Variants in NBAS observed in about 807,000 individuals in gnomAD.
NBAS encodes NBAS subunit of NRZ tethering complex.
In NBAS, 219 loss-of-function variants were observed where a neutral mutation model predicts 302.5. The observed-to-expected ratio is 0.72, with a 90% CI of 0.65 to 0.81. The LOEUF is 0.81. Among genes scored for constraint, NBAS ranks in the 30% least tolerant of loss-of-function variants. The probability of loss-of-function intolerance (pLI) is 0.00; values close to 1 mark genes in which losing one functional copy is unlikely to be tolerated. For synonymous variants in NBAS, 1,118 were observed against 1,021.6 expected (o/e 1.09, Z -1.80); for missense variants, 2,932 against 2,841.6 (o/e 1.03, Z -0.72).
At chr2:15,313,850 T>G (rs903976593) in intron 38 of NBAS, among the ~76,000 whole-genome samples, 1 of 152,214 alleles carries the variant, frequency 6.6e-6, no homozygotes, top group Admixed American at 6.5e-5. Flanking sequence ...ATGAGTTGAC[T>G]CCTCAGAATT....
At chr2:14,801,966 G>T in the NBAS span, among the ~76,000 whole-genome samples, 2 of 145,912 alleles carry the variant, frequency 1.4e-5, no homozygotes, top group Non-Finnish European at 3.0e-5. Context: ...CTCCCATTTT[G>T]TAGGTTGCCT....
At chr2:15,258,568 C>T (rs984370955) in intron 44 of NBAS, among the ~76,000 whole-genome samples, 8 of 152,182 alleles carry the variant, frequency 5.3e-5, no homozygotes, top group East Asian at 1.9e-4. Flanking sequence ...CTGTCCTACG[C>T]GGTTGAGATA....
At chr2:15,274,889 C>T (rs987639622) in intron 44 of NBAS, among the ~76,000 whole-genome samples, 5 of 151,806 alleles carry the variant, frequency 3.3e-5, no homozygotes, top group Admixed American at 6.6e-5. Flanking sequence ...CTCAGCCTCC[C>T]GAGTAGCTGG....
intron 50 of NBAS, among the ~76,000 whole-genome samples, chr2:15,186,163 T>C (rs968302157): frequency 6.6e-6 from 1 of 150,524 alleles, no homozygotes; most frequent in Non-Finnish European, 1.5e-5. Context: ...TGTGTGTCTG[T>C]GTGTGTGTAT....
the NBAS span, among the ~76,000 whole-genome samples, chr2:15,056,822 C>A: frequency 2.9e-5 from 4 of 138,296 alleles, no homozygotes; most frequent in African/African-American, 1.1e-4. Context: ...TTTCCCTTTT[C>A]TTTTTTTTTT....
At chr2:15,277,159 T>G in intron 42 of NBAS, 58 bp from the exon 43 acceptor site, 1 of 1,471,480 alleles carries the variant, frequency 6.8e-7, no homozygotes, top group Non-Finnish European at 8.9e-7. Flanking sequence ...TAAAGTGATT[T>G]TTTTTTTAAC....
chr2:15,003,978 T>C, the NBAS span, among the ~76,000 whole-genome samples: 1 of 152,226 alleles, frequency 6.6e-6, no homozygotes, highest in Non-Finnish European at 1.5e-5. Flanking sequence ...TCTCAGTTGT[T>C]TTCAGACATC....
At chr2:15,336,147 G>A (rs991614628) in intron 35 of NBAS, among the ~76,000 whole-genome samples, 1 of 151,502 alleles carries the variant, frequency 6.6e-6, no homozygotes, top group Non-Finnish European at 1.5e-5. Context: ...GATGTTCTAA[G>A]TTTTCCTTGA....
intron 51 of NBAS, among the ~76,000 whole-genome samples, chr2:15,173,997 G>C (rs1355353895): frequency 6.6e-6 from 1 of 152,176 alleles, no homozygotes; most frequent in Non-Finnish European, 1.5e-5. Flanking sequence ...TGATATGTCT[G>C]TTCATACCAA....
chr2:15,329,178 G>A (rs1419529450), intron 36 of NBAS, among the ~76,000 whole-genome samples: 1 of 152,156 alleles, frequency 6.6e-6, no homozygotes, highest in Non-Finnish European at 1.5e-5. Context: ...TTCCTCCAAG[G>A]TTTATTGTGG....
chr2:15,528,878 A>AAAT lies in NBAS; in HGVS notation c.746+5664_746+5665insATT, dbSNP rs555894886. ...TGAGACTCCATCTCAAAAAAAAAAA[A>AAAT]ATATATATATATATATATATGTGTG... On this transcript the variant is annotated intron_variant, in intron 9 of 51. Coordinates refer to ENST00000281513, the MANE Select transcript of NBAS (RefSeq NM_015909.4). 8.2e-5 allele frequency among the ~76,000 whole-genome samples: 10 copies of AAAT among 121,546 alleles called. No homozygotes were observed. The East Asian group carries it at 1.6e-3, about 19-fold the overall frequency. 79.7% of individuals were successfully genotyped at this position (121,546 alleles called of 152,430 possible).
At chr2:15,031,714 T>A in the NBAS span, among the ~76,000 whole-genome samples, 1 of 152,188 alleles carries the variant, frequency 6.6e-6, no homozygotes, top group Non-Finnish European at 1.5e-5. Flanking sequence ...CCTGTGAAAT[T>A]TGAAAGGCCT....
the NBAS span, among the ~76,000 whole-genome samples, chr2:14,989,257 C>T: frequency 6.7e-6 from 1 of 150,082 alleles, no homozygotes; most frequent in Admixed American, 6.7e-5. Context: ...ATGGTTCCCA[C>T]TACATATAGT....
chr2:15,154,660 T>C, the NBAS span, among the ~76,000 whole-genome samples: 1 of 152,184 alleles, frequency 6.6e-6, no homozygotes, highest in East Asian at 1.9e-4. Flanking sequence ...TGCTCTGATA[T>C]AGGAGCAGTA....
At chr2:15,003,234 G>A in the NBAS span, among the ~76,000 whole-genome samples, 3 of 152,326 alleles carry the variant, frequency 2.0e-5, no homozygotes, top group South Asian at 2.1e-4. Context: ...TAAGGGGAAG[G>A]AGATAGTGTA....
At chr2:14,870,672 T>G in the NBAS span, among the ~76,000 whole-genome samples, 1 of 151,426 alleles carries the variant, frequency 6.6e-6, no homozygotes, top group Non-Finnish European at 1.5e-5. Flanking sequence ...AACAAAAAAT[T>G]TTAAACACAC....
chr2:15,366,647 G>A lies in NBAS; in HGVS notation c.3750C>T (p.Ser1250=), dbSNP rs1427432729. 2 of 1,613,948 alleles carry A rather than the reference G, an allele frequency of 1.2e-6. No homozygotes were observed. Among genetic ancestry groups the A allele is most frequent in the African/African-American group, 2.7e-5 (2 of 74,880 alleles). ...DRISLIKECI[S]QSPTCYKQST... ...ATTGTTTATAGCATGTGGGGGACTGGGAAATACACTCCTTGATGAGACTGA... is the reference window on the plus strand; with the variant it reads ...ATTGTTTATAGCATGTGGGGGACTGAGAAATACACTCCTTGATGAGACTGA... The change falls in exon 32 of 52, where the codon TCC becomes TCT. Residue 1250 remains serine, a synonymous_variant. Coordinates refer to ENST00000281513, the MANE Select transcript of NBAS (RefSeq NM_015909.4).
chr2:15,474,468 A>G, intron 14 of NBAS, 144 bp from the exon 15 acceptor site: 1 of 851,322 alleles, frequency 1.2e-6, no homozygotes. Context: ...ATGGAACTCA[A>G]AGGAACCTTA....
At chr2:15,166,886 A>C, downstream of NBAS, 1 of 932,730 alleles carries the variant, frequency 1.1e-6, no homozygotes, top group Non-Finnish European at 1.5e-6. Context: ...AAGAAAGAAA[A>C]AAAAGGTTAA....
Sources: gnomAD v4.1 joint callset for allele counts (sites outside exome capture counted in the v4.1 genomes callset) on GRCh38, gnomAD v4.1.1 for gene constraint, MANE v1.5 for transcripts, NCBI Gene and HGNC (gene_info 2026-07-23, HGNC 2026-07-21) for gene names.